COL13A1: variants seen among roughly 807,000 people sequenced by gnomAD.
COL13A1 encodes the protein collagen alpha-1(XIII) chain.
A neutral mutation model predicts 130.9 loss-of-function variants in COL13A1; 89 were observed. The observed-to-expected ratio is 0.68, with a 90% CI of 0.57 to 0.81. The LOEUF is 0.81. COL13A1 is among the 30% of genes least tolerant of loss of function. The pLI is 0.00. For missense variants in COL13A1, 879 were observed against 934.6 expected (o/e 0.94, Z 0.78); for synonymous variants, 402 against 341.6 (o/e 1.18, Z -1.95).
At chr10:69,826,434 T>A (rs929766440) in intron 2 of COL13A1, among the ~76,000 whole-genome samples, 7 of 152,174 alleles carry the variant, frequency 4.6e-5, no homozygotes. Flanking sequence ...GGGGGTGATG[T>A]GGTCAGGCTT....
chr10:69,812,668 G>A (rs1843363633), intron 1 of COL13A1, among the ~76,000 whole-genome samples: 1 of 152,212 alleles, frequency 6.6e-6, no homozygotes, highest in Non-Finnish European at 1.5e-5. Flanking sequence ...CATGTAATGG[G>A]TTGCAGTGAG....
intron 3 of COL13A1, among the ~76,000 whole-genome samples, chr10:69,869,429 C>A (rs1345494033): frequency 6.6e-6 from 1 of 152,158 alleles, no homozygotes; most frequent in African/African-American, 2.4e-5. Flanking sequence ...CTGCTTCCTG[C>A]AAAAGAAGAA....
At chr10:69,899,002 A>T (rs2061934520) in intron 14 of COL13A1, among the ~76,000 whole-genome samples, 1 of 152,174 alleles carries the variant, frequency 6.6e-6, no homozygotes, top group South Asian at 2.1e-4. Context: ...AGTGTGTGCC[A>T]GGCACCCTGT....
intron 38 of COL13A1, among the ~76,000 whole-genome samples, chr10:69,950,010 A>ATGTGTTTGTGTG (rs1554983759): frequency 1.3e-5 from 1 of 78,090 alleles, no homozygotes; most frequent in Non-Finnish European, 2.8e-5. Context: ...GTGTGTGTGT[A>ATGTGTTTGTGTG]CGTCTCACTT....
intron 2 of COL13A1, among the ~76,000 whole-genome samples, chr10:69,848,337 A>G (rs1371078599): frequency 2.0e-5 from 3 of 152,234 alleles, no homozygotes; most frequent in Admixed American, 6.5e-5. Context: ...CCACTTCCCA[A>G]GGACTTATTA....
intron 3 of COL13A1, 77 bp from the exon 4 acceptor site, chr10:69,872,107 A>C: frequency 3.2e-6 from 5 of 1,565,224 alleles, no homozygotes; most frequent in Non-Finnish European, 4.4e-6. Context: ...AAGGTCACAC[A>C]GCTGGTTGAG....
At position 69,872,192 on chromosome 10, in the gene COL13A1, T is replaced by G. The variant is rs371909049; in HGVS notation, c.381T>G (p.Thr127=). The change falls in exon 4 of 41, where the codon ACT becomes ACG. Residue 127 remains threonine, a synonymous_variant. Coordinates refer to ENST00000645393, the MANE Select transcript of COL13A1 (RefSeq NM_001368882.1). The part of the protein sequence containing the change: ...CNCPPGPPGP[T]GRPGLPGDKG... ...GTCACTCTTCATTTCAGGGTCCCAC[T>G]GGAAGACCCGGACTCCCAGTAAGTC... 2 of 1,614,088 alleles carry G rather than the reference T, an allele frequency of 1.2e-6. No homozygotes were observed. The highest frequency in any genetic ancestry group is 3.3e-5 in the Admixed American group (2 of 60,032).
intron 33 of COL13A1, 33 bp downstream of exon 33, chr10:69,936,815 A>G: frequency 6.2e-7 from 1 of 1,613,550 alleles, no homozygotes; most frequent in Non-Finnish European, 8.5e-7. Context: ...GCGCTGTGTC[A>G]GTGCTAGTAG....
At chr10:69,854,921 C>T (rs568682015) in intron 2 of COL13A1, among the ~76,000 whole-genome samples, 1 of 152,252 alleles carries the variant, frequency 6.6e-6, no homozygotes, top group African/African-American at 2.4e-5. Flanking sequence ...TACTGTACAG[C>T]TTTGTCATGT....
At chr10:69,902,093 C>G (rs1253718888) in intron 14 of COL13A1, among the ~76,000 whole-genome samples, 2 of 152,328 alleles carry the variant, frequency 1.3e-5, no homozygotes, top group East Asian at 3.9e-4. Context: ...ACTTAACAGG[C>G]AGCCACTCCT....
intron 4 of COL13A1, among the ~76,000 whole-genome samples, chr10:69,873,004 G>A (rs912938230): frequency 2.6e-5 from 4 of 152,154 alleles, no homozygotes; most frequent in Non-Finnish European, 5.9e-5. Context: ...TCTAGCCTGG[G>A]GCATGGATGA....
In COL13A1 at chr10:69,923,728, G is replaced by C. The variant is rs972295357; in HGVS notation, c.1231-74G>C. On this transcript the variant is annotated intron_variant, in intron 23 of 40. Coordinates refer to ENST00000645393, the MANE Select transcript of COL13A1 (RefSeq NM_001368882.1). ...GGCAACATCTAGGCATGAGCGGCAA[G>C]ACCATCTTTTCCCTCATAAGCAGCT... 9 of 1,549,404 alleles carry C rather than the reference G, an allele frequency of 5.8e-6. No individual in the cohort carries two copies. In the African/African-American group the frequency reaches 1.2e-4, roughly 21 times the overall value.
At chr10:69,942,477 C>G (rs2067779544) in intron 35 of COL13A1, among the ~76,000 whole-genome samples, 1 of 152,182 alleles carries the variant, frequency 6.6e-6, no homozygotes, top group African/African-American at 2.4e-5. Flanking sequence ...AATGGCTTCT[C>G]CCTTTTATGT....
rs1375679748 is a variant in COL13A1, at chr10:69,937,678, A to AG, written c.1844dup (p.Glu616ArgfsTer80). 1 of 1,588,430 alleles carries AG rather than the reference A, an allele frequency of 6.3e-7. No individual in the cohort carries two copies. Among genetic ancestry groups the AG allele is most frequent in the East Asian group, 2.2e-5 (1 of 44,768 alleles). On this transcript the variant is annotated frameshift_variant, in exon 34 of 41. Coordinates refer to ENST00000645393, the MANE Select transcript of COL13A1 (RefSeq NM_001368882.1). LOFTEE classifies it high-confidence loss of function. ...GGAGCAAAAGGAGAGAAAGGCTTCC[A>AG]GGGAGAAAAAGGAGACCGTGGTCCC...
chr10:69,925,748 T>TGCCCTCCCG lies in COL13A1; in HGVS notation c.1330-45_1330-37dup, dbSNP rs1237955398. 5.8e-5 allele frequency: 80 copies of TGCCCTCCCG among 1,375,134 alleles called. No homozygotes were observed. The African/African-American group carries it at 1.1e-3, about 19-fold the overall frequency. 85.2% of individuals were successfully genotyped at this position (1,375,134 alleles called of 1,614,324 possible). On this transcript the variant is annotated intron_variant, in intron 25 of 40. Transcript: ENST00000645393. ...GGGCTGATAGAGAGCAGGCCACAGT[T>TGCCCTCCCG]GCCCTCCCGGCCCTCCCGGTCCAGG...
At chr10:69,814,886 A>G (rs1449102876) in intron 1 of COL13A1, among the ~76,000 whole-genome samples, 1 of 152,258 alleles carries the variant, frequency 6.6e-6, no homozygotes, top group African/African-American at 2.4e-5. Flanking sequence ...ATCAATTATT[A>G]AATGATATTT....
chr10:69,824,428 G>T (rs1846975272), intron 2 of COL13A1, among the ~76,000 whole-genome samples: 1 of 152,172 alleles, frequency 6.6e-6, no homozygotes, highest in Non-Finnish European at 1.5e-5. Context: ...CAGAGTGGGT[G>T]GTTCTCAAGA....
At position 69,902,696 on chromosome 10, in the gene COL13A1, G is replaced by A. The variant is rs918575192; in HGVS notation, c.751-52G>A. 97 of 1,454,766 alleles carry A rather than the reference G, an allele frequency of 6.7e-5. No homozygotes were observed. The Middle Eastern group carries it at 2.8e-3, about 42-fold the overall frequency. The allele number at this position is 1,454,766 out of a possible 1,614,324, so 90.1% of individuals were successfully genotyped here. A position where few individuals can be genotyped will look rare whatever the true frequency, so the allele number is the denominator to read the frequency against. On this transcript the variant is annotated intron_variant, in intron 14 of 40. Coordinates refer to ENST00000645393, the MANE Select transcript of COL13A1 (RefSeq NM_001368882.1). ...GGTGCATGGCCTGAGGGTGGGGGAC[G>A]GTCTGCAGCTCTGGGGGCCTTCCCT...
At position 69,918,303 on chromosome 10, in the gene COL13A1, G is replaced by A. The variant is rs781556423; in HGVS notation, c.985G>A (p.Val329Met). ...HGAKGAPGIAVAGMKGEPGIP... is the reference protein window; with the variant it reads ...HGAKGAPGIAMAGMKGEPGIP... ...CTGCCAGGGGGCGCCCGGAATTGCC[G>A]TGGCTGGGATGAAGGTCAGTGGACT... The change falls in exon 19 of 41, where the codon GTG (valine) becomes ATG (methionine). Residue 329 changes from valine to methionine, a missense_variant. By Grantham distance (21) the Val-to-Met change is conservative. Coordinates refer to ENST00000645393, the MANE Select transcript of COL13A1 (RefSeq NM_001368882.1). 5.8e-5 allele frequency: 94 copies of A among 1,612,912 alleles called. No homozygotes were observed. The highest frequency in any genetic ancestry group is 2.0e-4 in the African/African-American group (15 of 74,834).
Sources: gnomAD v4.1 joint callset for allele counts (sites outside exome capture counted in the v4.1 genomes callset) on GRCh38, gnomAD v4.1.1 for gene constraint, MANE v1.5 for transcripts, NCBI Gene and HGNC (gene_info 2026-07-23, HGNC 2026-07-21) for gene names.